The following LY75 variants were observed in gnomAD, a reference collection of about 807,000 sequenced individuals.
LY75 encodes lymphocyte antigen 75.
In LY75, 185 loss-of-function variants were observed where a neutral mutation model predicts 231.7. The ratio of observed to expected loss-of-function variants is 0.80; its 90% CI spans 0.71 to 0.90. The LOEUF (loss-of-function observed/expected upper bound fraction) is 0.90. LY75 is among the 40% of genes least tolerant of loss of function. The probability of loss-of-function intolerance (pLI) is 0.00; values close to 1 mark genes in which losing one functional copy is unlikely to be tolerated. For missense variants in LY75, 1,947 were observed against 2,050.2 expected, an observed-to-expected ratio of 0.95 and a Z score of 0.97; for synonymous variants, 668 against 689.0, an observed-to-expected ratio of 0.97 and a Z score of 0.48.
At position 159,806,960 on chromosome 2, in the gene LY75, G is replaced by A; in HGVS notation, c.4990+13C>T. ...TCTGCAAAAAGTCTCCTAAGGACAGGTTCCATACTTACCCAGAGGCACTTT... is the reference window on the plus strand; with the variant it reads ...TCTGCAAAAAGTCTCCTAAGGACAGATTCCATACTTACCCAGAGGCACTTT... On this transcript the variant is annotated intron_variant, in intron 34 of 34. Transcript: ENST00000263636. The A allele has an allele frequency of 6.2e-7, 1 of 1,609,150 alleles. No homozygotes were observed. The highest frequency in any genetic ancestry group is 1.1e-5 in the South Asian group (1 of 90,142).
At chr2:159,827,841 G>T (rs969079505) in intron 28 of LY75, among the ~76,000 whole-genome samples, 9 of 152,118 alleles carry the variant, frequency 5.9e-5, no homozygotes, top group African/African-American at 2.2e-4. Context: ...ATCAATCTCA[G>T]CAAATTAACA....
chr2:159,890,341 T>C lies in LY75; in HGVS notation c.674A>G (p.Gln225Arg). The change falls in exon 4 of 35, where the codon CAG becomes CGG. Residue 225 changes from glutamine to arginine, a missense_variant. Physicochemically the swap from Gln to Arg is conservative, Grantham distance 43. Transcript: ENST00000263636. Reference protein sequence around the residue: ...GCEDNWEKNEQFGSCYQFNTQ... With the variant: ...GCEDNWEKNERFGSCYQFNTQ... ...ATTAAATTGGTAGCAACTTCCAAACTGCTCGTTCTTTTCCCAATTATCTTC... is the reference window on the plus strand; with the variant it reads ...ATTAAATTGGTAGCAACTTCCAAACCGCTCGTTCTTTTCCCAATTATCTTC... 3 of 1,613,372 alleles carry C rather than the reference T, an allele frequency of 1.9e-6. No individual in the cohort carries two copies. The highest frequency in any genetic ancestry group is 1.7e-6 in the Non-Finnish European group (2 of 1,179,634).
intron 14 of LY75, among the ~76,000 whole-genome samples, chr2:159,864,168 T>A (rs1684791721): frequency 6.6e-6 from 1 of 152,196 alleles, no homozygotes; most frequent in South Asian, 2.1e-4. Context: ...TTTGCAAATA[T>A]TTTCTCTTAT....
chr2:159,860,458 A>C (rs1276799441), intron 15 of LY75, among the ~76,000 whole-genome samples: 3 of 151,798 alleles, frequency 2.0e-5, no homozygotes, highest in East Asian at 1.9e-4. Context: ...TCATGAAAAA[A>C]CCTTACCCTA....
chr2:159,843,265 T>A (rs2125848600), intron 23 of LY75, among the ~76,000 whole-genome samples: 1 of 152,216 alleles, frequency 6.6e-6, no homozygotes, highest in Non-Finnish European at 1.5e-5. Context: ...ACCAATAACA[T>A]GCATCTGTTT....
At position 159,827,711 on chromosome 2, in the gene LY75, T is replaced by G. The variant is rs1683516266; in HGVS notation, c.3958+3959A>C. Among the ~76,000 whole-genome samples, 3 of 152,160 alleles carry G rather than the reference T, an allele frequency of 2.0e-5. No individual in the cohort carries two copies. In the South Asian group the frequency reaches 6.2e-4, roughly 32 times the overall value. Reference sequence around the variant, plus strand: ...AGCAAAGACTTGGAACCAACCCAAATGTCCATCAATGATAAACTGGATAAA... The same window carrying G: ...AGCAAAGACTTGGAACCAACCCAAAGGTCCATCAATGATAAACTGGATAAA... On this transcript the variant is annotated intron_variant, in intron 28 of 34. Coordinates refer to ENST00000263636, the MANE Select transcript of LY75 (RefSeq NM_002349.4).
At chr2:159,889,516 C>T in intron 4 of LY75, among the ~76,000 whole-genome samples, 1 of 152,108 alleles carries the variant, frequency 6.6e-6, no homozygotes, top group East Asian at 1.9e-4. Context: ...GTGTGAGCCA[C>T]CGCACCTGGC....
At chr2:159,839,765 G>A (rs1683945369) in intron 25 of LY75, among the ~76,000 whole-genome samples, 1 of 152,024 alleles carries the variant, frequency 6.6e-6, no homozygotes, top group Non-Finnish European at 1.5e-5. Flanking sequence ...CAACACTTTG[G>A]GAGCCTGGGG....
rs145280818 is a variant in LY75, at chr2:159,838,864, C to T, written c.3507+1865G>A. ...AGGCTGGAATGCAGTGGTATAATCT[C>T]GGCTCACTGCAACCTCCACCTCCCA... On this transcript the variant is annotated intron_variant, in intron 25 of 34. Coordinates refer to ENST00000263636, the MANE Select transcript of LY75 (RefSeq NM_002349.4). Among the ~76,000 whole-genome samples, 1,193 of 152,204 alleles carry T rather than the reference C, an allele frequency of 7.8e-3. 22 individuals carry two copies. Among genetic ancestry groups the T allele is most frequent in the African/African-American group, 0.026 (1,088 of 41,514 alleles).
At position 159,890,241 on chromosome 2, in the gene LY75, G is replaced by A. The variant is rs1052221368; in HGVS notation, c.774C>T (p.Asn258=). 8.7e-6 allele frequency: 14 copies of A among 1,613,180 alleles called. No individual in the cohort carries two copies. The East Asian group carries it at 2.9e-4, about 33-fold the overall frequency. The change falls in exon 4 of 35, where the codon AAC becomes AAT. Residue 258 remains asparagine (N), a synonymous_variant. Coordinates refer to ENST00000263636, the MANE Select transcript of LY75 (RefSeq NM_002349.4). ...TAAGGTAAGTTAATTCAGCAGCACT[G>A]TTGATGCTCAGTAAATCAGCTCCTT... ...QNQGADLLSI[N]SAAELTYLKE...
At chr2:159,895,952 C>A (rs1273863073) in intron 2 of LY75, among the ~76,000 whole-genome samples, 1 of 152,208 alleles carries the variant, frequency 6.6e-6, no homozygotes, top group African/African-American at 2.4e-5. Context: ...TGGGAAGAAT[C>A]TTCTCTGAAT....
At chr2:159,883,431 T>C (rs904973117) in intron 6 of LY75, among the ~76,000 whole-genome samples, 1 of 152,182 alleles carries the variant, frequency 6.6e-6, no homozygotes, top group Non-Finnish European at 1.5e-5. Context: ...TATTTTATAA[T>C]TATGATAAAG....
At chr2:159,815,614 T>G in intron 30 of LY75, 41 bp from the exon 31 acceptor site, 1 of 1,582,568 alleles carries the variant, frequency 6.3e-7, no homozygotes, top group Non-Finnish European at 8.5e-7. Flanking sequence ...TCCAGATGTT[T>G]GACTTCAAAA....
intron 28 of LY75, among the ~76,000 whole-genome samples, chr2:159,822,755 G>T (rs1264977631): frequency 6.6e-6 from 1 of 152,168 alleles, no homozygotes; most frequent in African/African-American, 2.4e-5. Flanking sequence ...CCTCTGGGAA[G>T]AAGCTTCCAG....
intron 31 of LY75, 99 bp downstream of exon 31, chr2:159,815,306 G>T: frequency 7.0e-7 from 1 of 1,433,176 alleles, no homozygotes; most frequent in Non-Finnish European, 9.2e-7. Context: ...CGGCCCTTGT[G>T]AATAAATCTT....
chr2:159,865,872 TC>T (rs1328406771), intron 13 of LY75, among the ~76,000 whole-genome samples: 1 of 152,120 alleles, frequency 6.6e-6, no homozygotes. Context: ...AGTAATCCTT[TC>T]CCCTCAAATA....
intron 7 of LY75, 105 bp downstream of exon 7, chr2:159,882,018 AT>A: frequency 7.5e-7 from 1 of 1,340,648 alleles, no homozygotes; most frequent in Non-Finnish European, 1.0e-6. Flanking sequence ...GACAGGGCTG[AT>A]CTGTGGGATC....
intron 12 of LY75, among the ~76,000 whole-genome samples, chr2:159,875,090 C>T (rs1283535901): frequency 6.8e-6 from 1 of 148,096 alleles, no homozygotes; most frequent in Non-Finnish European, 1.5e-5. Context: ...ACTTTTTTTA[C>T]ATTATTAGGA....
In LY75 at chr2:159,840,728, C is replaced by A; in HGVS notation, c.3507+1G>T. Reference sequence around the variant, plus strand: ...CCTGGCAGTTGGGACTGAACACTTACATCTTGACTGAAGAGTCCGATCCAT... The same window carrying A: ...CCTGGCAGTTGGGACTGAACACTTAAATCTTGACTGAAGAGTCCGATCCAT... On this transcript the variant is annotated splice_donor_variant, in intron 25 of 34. Coordinates refer to ENST00000263636, the MANE Select transcript of LY75 (RefSeq NM_002349.4). LOFTEE classifies it high-confidence loss of function. The A allele has an allele frequency of 6.2e-7, 1 of 1,614,026 alleles. No homozygotes were observed. Among genetic ancestry groups the A allele is most frequent in the South Asian group, 1.1e-5 (1 of 91,084 alleles).
Sources: gnomAD v4.1 joint callset for allele counts (sites outside exome capture counted in the v4.1 genomes callset) on GRCh38, gnomAD v4.1.1 for gene constraint, MANE v1.5 for transcripts, NCBI Gene and HGNC (gene_info 2026-07-23, HGNC 2026-07-21) for gene names.